RALYL: variants seen among roughly 807,000 people sequenced by gnomAD.
RALYL encodes the protein RALY RNA binding protein like, also known as RNA-binding Raly-like protein.
A neutral mutation model predicts 35.1 loss-of-function variants in RALYL; 29 were observed. The observed-to-expected ratio is 0.83, with a 90% confidence interval of 0.61 to 1.13. RALYL has a LOEUF of 1.13. Among genes scored for constraint, RALYL ranks in the 50% most tolerant of loss-of-function variants. RALYL has a pLI of 0.00. For missense variants in RALYL, 359 were observed against 360.4 expected (o/e 1.00, Z 0.03); for synonymous variants, 120 against 127.6 (o/e 0.94, Z 0.40).
At chr8:84,348,482 C>T (rs1268162975) in intron 1 of RALYL, among the ~76,000 whole-genome samples, 2 of 152,096 alleles carry the variant, frequency 1.3e-5, no homozygotes, top group Non-Finnish European at 2.9e-5. Context: ...TTCCCATCAG[C>T]ATCACTTTAC....
intron 8 of RALYL, among the ~76,000 whole-genome samples, chr8:84,915,899 A>C (rs1294268931): frequency 6.6e-6 from 1 of 152,176 alleles, no homozygotes; most frequent in African/African-American, 2.4e-5. Flanking sequence ...CTGTGTGTCT[A>C]GATGTTAAAA....
chr8:84,649,999 C>G (rs2131502352), intron 2 of RALYL, among the ~76,000 whole-genome samples: 1 of 152,200 alleles, frequency 6.6e-6, no homozygotes, highest in South Asian at 2.1e-4. Flanking sequence ...TCCTTCACAT[C>G]CCTTGTAAGT....
At chr8:84,549,767 T>C (rs1290902750) in intron 2 of RALYL, among the ~76,000 whole-genome samples, 1 of 152,162 alleles carries the variant, frequency 6.6e-6, no homozygotes, top group Non-Finnish European at 1.5e-5. Context: ...GGAGGGCAGC[T>C]TTCCCCCAGG....
intron 1 of RALYL, among the ~76,000 whole-genome samples, chr8:84,432,660 T>C (rs1433195150): frequency 6.6e-6 from 1 of 152,118 alleles, no homozygotes; most frequent in African/African-American, 2.4e-5. Context: ...GATGAAGTCA[T>C]GCTACAGTAG....
rs1170033292 is a variant in RALYL, at chr8:84,346,016, T to G, written c.-24+161592T>G. 3.4e-6 allele frequency: 3 copies of G among 871,638 alleles called. No homozygotes were observed. In the African/African-American group the frequency reaches 5.5e-5, roughly 16 times the overall value. 54.0% of individuals were successfully genotyped at this position (871,638 alleles called of 1,614,324 possible). ...ACCTCCTTGGGACAATTATTATAAC[T>G]TGTATGCATTTCTCTTATTCAAAAT... On this transcript the variant is annotated intron_variant, in intron 1 of 8. Transcript: ENST00000521268.
chr8:84,449,336 A>T (rs1289519664), intron 1 of RALYL, among the ~76,000 whole-genome samples: 1 of 151,970 alleles, frequency 6.6e-6, no homozygotes, highest in Non-Finnish European at 1.5e-5. Flanking sequence ...AAGAGCAGGG[A>T]TGTCATGTTC....
chr8:84,321,761 C>A (rs1844861897), intron 1 of RALYL, among the ~76,000 whole-genome samples: 1 of 152,072 alleles, frequency 6.6e-6, no homozygotes, highest in African/African-American at 2.4e-5. Flanking sequence ...CCTTACCACA[C>A]ATCAACAAAG....
chr8:84,569,507 T>C (rs1807392086), intron 2 of RALYL, among the ~76,000 whole-genome samples: 1 of 151,926 alleles, frequency 6.6e-6, no homozygotes, highest in African/African-American at 2.4e-5. Flanking sequence ...GAGGCATAAT[T>C]TGCAAATATT....
chr8:84,601,633 A>G (rs1170668960), intron 2 of RALYL, among the ~76,000 whole-genome samples: 1 of 152,126 alleles, frequency 6.6e-6, no homozygotes, highest in African/African-American at 2.4e-5. Flanking sequence ...AAAAAAAAAA[A>G]AGAGAATTCC....
chr8:84,591,271 A>T (rs1183456759), intron 2 of RALYL, among the ~76,000 whole-genome samples: 1 of 152,166 alleles, frequency 6.6e-6, no homozygotes, highest in Non-Finnish European at 1.5e-5. Flanking sequence ...TACCTGAGAC[A>T]TCAGGGTCAG....
rs372677353 is a variant in RALYL, at chr8:84,357,440, A to G, written c.-23-171859A>G. Among the ~76,000 whole-genome samples the G allele has an allele frequency of 1.1e-3, 164 of 152,136 alleles. 5 individuals carry two copies. The South Asian group carries it at 0.032, about 30-fold the overall frequency. On this transcript the variant is annotated intron_variant, in intron 1 of 8. Transcript: ENST00000521268. ...TGTAATAATTTCTCATTATATGCCA[A>G]GCCCTAAAAGAATCTAATGAATTCT...
intron 2 of RALYL, among the ~76,000 whole-genome samples, chr8:84,754,188 G>A (rs543304854): frequency 9.0e-4 from 137 of 151,754 alleles, no homozygotes; most frequent in African/African-American, 2.9e-3. Context: ...CATTGCTTTT[G>A]GTGTTTTGGA....
rs1811942513 is a variant in RALYL at position 84,184,420 on chromosome 8, A to C, written c.-28A>C. The C allele has an allele frequency of 6.6e-6, 1 of 151,904 alleles. No individual in the cohort carries two copies. The highest frequency in any genetic ancestry group is 2.1e-4 in the South Asian group (1 of 4,812). The allele number at this position is 151,904 out of a possible 1,614,324, so 9.4% of individuals were successfully genotyped here. ...GTGAACAGCTGAGCAGCTCGCAGAG[A>C]GCAGGTACTTGGTCCCCTTGGAGGC... On this transcript the variant is annotated 5_prime_UTR_variant, in exon 1 of 9. Coordinates refer to ENST00000521268, the MANE Select transcript of RALYL (RefSeq NM_173848.7).
rs1246613644 is a variant in RALYL, at chr8:84,616,727, C to A, written c.256+87150C>A. Among the ~76,000 whole-genome samples, 3 of 151,104 alleles carry A rather than the reference C, an allele frequency of 2.0e-5. No individual in the cohort carries two copies. The South Asian group carries it at 6.2e-4, about 31-fold the overall frequency. Reference sequence around the variant, plus strand: ...TTCTAGGGTTTTTATGGTTTTAGGTCTAACGTTTAAGTCTTTAATCCATCT... The same window carrying A: ...TTCTAGGGTTTTTATGGTTTTAGGTATAACGTTTAAGTCTTTAATCCATCT... On this transcript the variant is annotated intron_variant, in intron 2 of 8. Coordinates refer to ENST00000521268, the MANE Select transcript of RALYL (RefSeq NM_173848.7).
At chr8:84,842,044 C>T (rs1353324745) in intron 4 of RALYL, among the ~76,000 whole-genome samples, 1 of 152,086 alleles carries the variant, frequency 6.6e-6, no homozygotes. Context: ...ACCCTAACAT[C>T]ACAATTAAAA....
At chr8:84,612,356 TCAGGAGAGCATAGTAAAGG>T (rs1818492966) in intron 2 of RALYL, among the ~76,000 whole-genome samples, 2 of 152,160 alleles carry the variant, frequency 1.3e-5, no homozygotes, top group South Asian at 4.1e-4. Context: ...TAAAGTCACA[TCAGGAGAGCATAGTAAAGG>T]CAGGAGAGCA....
rs181537091 is a variant in RALYL, at chr8:84,507,326, A to G, written c.-23-21973A>G. On this transcript the variant is annotated intron_variant, in intron 1 of 8. Coordinates refer to ENST00000521268, the MANE Select transcript of RALYL (RefSeq NM_173848.7). ...TGTGAAACATGAACATCATTGGTCCATGCATGACCCATTTTACTATAATTA... is the reference window on the plus strand; with the variant it reads ...TGTGAAACATGAACATCATTGGTCCGTGCATGACCCATTTTACTATAATTA... 2.1e-3 allele frequency among the ~76,000 whole-genome samples: 326 copies of G among 152,234 alleles called. 3 individuals carry two copies. The highest frequency in any genetic ancestry group is 7.1e-3 in the African/African-American group (295 of 41,564).
chr8:84,399,885 C>T (rs1034930759), intron 1 of RALYL, among the ~76,000 whole-genome samples: 14 of 152,090 alleles, frequency 9.2e-5, no homozygotes, highest in African/African-American at 2.2e-4. Flanking sequence ...TGGCTCATGC[C>T]GTGGGTGGAT....
intron 2 of RALYL, among the ~76,000 whole-genome samples, chr8:84,633,291 T>A (rs1006546292): frequency 2.0e-5 from 3 of 151,730 alleles, no homozygotes; most frequent in Non-Finnish European, 4.4e-5. Context: ...AACACCCAGA[T>A]AGAGTTTGGA....
Sources: allele counts gnomAD v4.1 joint callset (sites outside exome capture counted in the v4.1 genomes callset), GRCh38; gene constraint gnomAD v4.1.1; transcripts MANE v1.5; gene names NCBI Gene and HGNC (gene_info 2026-07-23, HGNC 2026-07-21).